Variants in PRKCA observed in about 807,000 individuals in gnomAD.
The protein encoded by PRKCA is protein kinase C alpha.
PRKCA carries 27 observed loss-of-function variants against 87.0 expected under a neutral mutation model. That is an observed-to-expected ratio of 0.31 (90% CI 0.23 to 0.43). PRKCA has a LOEUF of 0.43. PRKCA is among the 20% of genes least tolerant of loss of function. PRKCA has a pLI of 1.00. For synonymous variants in PRKCA, 329 were observed against 311.1 expected, an observed-to-expected ratio of 1.06 and a Z score of -0.61; for missense variants, 518 against 852.3, an observed-to-expected ratio of 0.61 and a Z score of 4.88.
At chr17:66,698,604 C>A (rs977355797) in intron 8 of PRKCA, among the ~76,000 whole-genome samples, 1 of 151,628 alleles carries the variant, frequency 6.6e-6, no homozygotes, top group Non-Finnish European at 1.5e-5. Flanking sequence ...ATTTATGGGA[C>A]AACATTAAAA....
chr17:66,730,619 A>G (rs1250491953), intron 8 of PRKCA, among the ~76,000 whole-genome samples: 1 of 152,146 alleles, frequency 6.6e-6, no homozygotes, highest in Non-Finnish European at 1.5e-5. Context: ...ATAGCATGCC[A>G]ATGTATTATA....
chr17:66,517,023 C>T (rs528388897), intron 3 of PRKCA, among the ~76,000 whole-genome samples: 5 of 152,204 alleles, frequency 3.3e-5, no homozygotes, highest in East Asian at 1.9e-4. Flanking sequence ...CGGTGGTTCA[C>T]GCCTGTAATC....
chr17:66,708,689 C>T (rs549617642), intron 8 of PRKCA, among the ~76,000 whole-genome samples: 1 of 152,134 alleles, frequency 6.6e-6, no homozygotes, highest in Non-Finnish European at 1.5e-5. Context: ...CAGGGCATCC[C>T]AGCTACTCAA....
intron 3 of PRKCA, among the ~76,000 whole-genome samples, chr17:66,540,336 A>G (rs1020111192): frequency 6.6e-6 from 1 of 152,210 alleles, no homozygotes; most frequent in African/African-American, 2.4e-5. Context: ...GACTGTCTCT[A>G]AAAGAGGGGG....
At chr17:66,590,488 A>G (rs116218030) in intron 3 of PRKCA, among the ~76,000 whole-genome samples, 3,112 of 152,124 alleles carry the variant, frequency 0.02, 118 homozygotes, top group African/African-American at 0.07. Flanking sequence ...TATACACAGT[A>G]CTCCCAATGC....
At chr17:66,743,205 A>G (rs1974196211) in intron 13 of PRKCA, among the ~76,000 whole-genome samples, 1 of 152,194 alleles carries the variant, frequency 6.6e-6, no homozygotes, top group Non-Finnish European at 1.5e-5. Context: ...GCACACCTGT[A>G]ATACCTAGCT....
intron 2 of PRKCA, among the ~76,000 whole-genome samples, chr17:66,335,543 G>C (rs1906608326): frequency 6.7e-6 from 1 of 150,350 alleles, no homozygotes. Flanking sequence ...GTAGAACTGA[G>C]TACACTCCAG....
At chr17:66,787,070 A>G (rs1024705683) in intron 15 of PRKCA, 96 bp downstream of exon 15, 4 of 962,532 alleles carry the variant, frequency 4.2e-6, no homozygotes, top group Admixed American at 1.7e-5. Context: ...CAGAAACACC[A>G]CAAACCCACA....
Position 66,700,149 on chromosome 17 carries a change from T to G in PRKCA, c.918+11102T>G, listed in dbSNP as rs142889452. 6.1e-4 allele frequency among the ~76,000 whole-genome samples: 93 copies of G among 152,320 alleles called. 1 individual carries two copies. In the East Asian group the frequency reaches 0.016, roughly 26 times the overall value. On this transcript the variant is annotated intron_variant, in intron 8 of 16. Transcript: ENST00000413366. ...TTTATTCCTGTGATACAAGGATGGTTTAACATAAACCAATCAATGTGATAC... is the reference window on the plus strand; with the variant it reads ...TTTATTCCTGTGATACAAGGATGGTGTAACATAAACCAATCAATGTGATAC...
Position 66,378,023 on chromosome 17 carries a change from A to G in PRKCA, c.205+71896A>G, listed in dbSNP as rs145266443. On this transcript the variant is annotated intron_variant, in intron 2 of 16. Transcript: ENST00000413366. ...CACATTATATTGTACCCCACATGTT[A>G]ATATAAAGGTTCTTCTAGGCTGGGT... Among the ~76,000 whole-genome samples, 534 of 152,270 alleles carry G rather than the reference A, an allele frequency of 3.5e-3. 14 individuals carry two copies. The Middle Eastern group carries it at 0.068, about 19-fold the overall frequency.
chr17:66,554,518 G>T, intron 3 of PRKCA: 1 of 954,860 alleles, frequency 1.0e-6, no homozygotes, highest in African/African-American at 1.8e-5. Context: ...ATTACCTACA[G>T]CTCTTCTCCC....
intron 2 of PRKCA, among the ~76,000 whole-genome samples, chr17:66,343,657 T>C (rs1907180108): frequency 6.6e-6 from 1 of 152,044 alleles, no homozygotes; most frequent in Admixed American, 6.6e-5. Context: ...GGAGGTGGAC[T>C]TAAGAGGCTG....
chr17:66,458,981 G>T (rs1914708369), intron 2 of PRKCA, among the ~76,000 whole-genome samples: 1 of 152,114 alleles, frequency 6.6e-6, no homozygotes, highest in African/African-American at 2.4e-5. Flanking sequence ...AGAGGCTGAG[G>T]GAGGTAAAGT....
At chr17:66,484,157 TACTC>T (rs1252018101) in intron 2 of PRKCA, among the ~76,000 whole-genome samples, 3 of 152,136 alleles carry the variant, frequency 2.0e-5, no homozygotes, top group African/African-American at 2.4e-5. Context: ...TCGTGAGACT[TACTC>T]ACTACGACGA....
chr17:66,595,142 G>A (rs1025030608), intron 3 of PRKCA, among the ~76,000 whole-genome samples: 3 of 152,156 alleles, frequency 2.0e-5, no homozygotes, highest in Admixed American at 1.3e-4. Flanking sequence ...CCTCTTCCCT[G>A]TTCCTCCAAT....
intron 2 of PRKCA, among the ~76,000 whole-genome samples, chr17:66,394,812 TG>T (rs1011425298): frequency 1.3e-5 from 2 of 152,186 alleles, no homozygotes; most frequent in African/African-American, 4.8e-5. Flanking sequence ...TTCCCCCTGC[TG>T]GGCTCTTCTC....
intron 3 of PRKCA, among the ~76,000 whole-genome samples, chr17:66,610,403 A>C (rs1048858940): frequency 2.0e-5 from 3 of 152,126 alleles, no homozygotes; most frequent in African/African-American, 7.2e-5. Flanking sequence ...CTCCATCTCC[A>C]GACCCTCACC....
intron 3 of PRKCA, among the ~76,000 whole-genome samples, chr17:66,514,145 A>C (rs1598733623): frequency 6.6e-6 from 1 of 152,204 alleles, no homozygotes; most frequent in East Asian, 1.9e-4. Context: ...TTATAAATTA[A>C]TCTTTAACAT....
intron 2 of PRKCA, among the ~76,000 whole-genome samples, chr17:66,340,816 T>C (rs1906999203): frequency 6.6e-6 from 1 of 152,146 alleles, no homozygotes; most frequent in African/African-American, 2.4e-5. Flanking sequence ...GCAATAAATT[T>C]TGTGAAAATT....
Sources: allele counts gnomAD v4.1 joint callset (sites outside exome capture counted in the v4.1 genomes callset), GRCh38; gene constraint gnomAD v4.1.1; transcripts MANE v1.5; gene names NCBI Gene and HGNC (gene_info 2026-07-23, HGNC 2026-07-21).